The following WDR87 variants were observed in gnomAD, a reference collection of about 807,000 sequenced individuals.
The protein encoded by WDR87 is WD repeat domain 87.
WDR87 carries 56 observed loss-of-function variants against 83.3 expected under a neutral mutation model. The observed-to-expected ratio is 0.67, with a 90% CI of 0.54 to 0.84. WDR87 has a LOEUF of 0.84. Ranked by LOEUF, WDR87 falls within the 40% of genes least tolerant of loss-of-function variation. The pLI, the probability that WDR87 is intolerant of heterozygous loss-of-function variation, is 0.00. For synonymous variants in WDR87, 1,173 were observed against 1,250.6 expected (o/e 0.94, Z 1.31); for missense variants, 2,939 against 3,431.9 (o/e 0.86, Z 3.59).
rs554726961 is a variant in WDR87 at position 37,885,289 on chromosome 19, G to A, written c.8382C>T (p.Tyr2794=). 1.4e-5 allele frequency: 21 copies of A among 1,547,326 alleles called. No homozygotes were observed. In the South Asian group the frequency reaches 2.3e-4, roughly 17 times the overall value. The change falls in exon 6 of 6, where the codon TAC becomes TAT. Residue 2794 remains tyrosine, a synonymous_variant. Coordinates refer to ENST00000447313, the MANE Select transcript of WDR87 (RefSeq NM_001291088.2). ...KDSTAWMEQF[Y]QLMDLYQLKS... ...TAAGTTGGTACAGGTCCATGAGCTG[G>A]TAGAACTGTTCCATCCAAGCAGTGC...
chr19:37,901,138 TAAA>T (rs879356825), intron 1 of WDR87, among the ~76,000 whole-genome samples: 1 of 138,654 alleles, frequency 7.2e-6, no homozygotes, highest in African/African-American at 2.6e-5. Flanking sequence ...AATCCTGTCT[TAAA>T]AAAAAAAAAG....
intron 4 of WDR87, 51 bp downstream of exon 4, chr19:37,892,527 G>A: frequency 7.1e-7 from 1 of 1,403,052 alleles, no homozygotes; most frequent in South Asian, 1.5e-5. Flanking sequence ...CAAAGGAAAG[G>A]AGGGGGAAAA....
At chr19:37,905,747 G>T (rs983816880) in intron 1 of WDR87, among the ~76,000 whole-genome samples, 8 of 151,938 alleles carry the variant, frequency 5.3e-5, no homozygotes, top group African/African-American at 1.9e-4. Flanking sequence ...TAGAGATAGG[G>T]TCTTGCTATG....
At chr19:37,895,741 T>C (rs930715302) in intron 3 of WDR87, among the ~76,000 whole-genome samples, 1 of 127,424 alleles carries the variant, frequency 7.8e-6, no homozygotes, top group African/African-American at 3.1e-5. Context: ...CACTCCAGCC[T>C]GCGTGACAGA....
At position 37,894,933 on chromosome 19, in the gene WDR87, TAGAG is replaced by T. The variant is rs2046240982; in HGVS notation, c.766_769del (p.Leu256MetfsTer30). On this transcript the variant is annotated frameshift_variant, in exon 4 of 6. Transcript: ENST00000447313. LOFTEE classifies it high-confidence loss of function. ...GATTTCCCCAGCTTGGTTTCCAGCA[TAGAG>T]AAAGCCCTGATCAAAACAGGTGAAG... 1 of 1,551,634 alleles carries T rather than the reference TAGAG, an allele frequency of 6.4e-7. No individual in the cohort carries two copies. The highest frequency in any genetic ancestry group is 8.7e-7 in the Non-Finnish European group (1 of 1,146,986).
rs889572964 is a variant in WDR87, at chr19:37,893,907, A to C, written c.1796T>G (p.Ile599Arg). 6.4e-7 allele frequency: 1 copy of C among 1,551,936 alleles called. No homozygotes were observed. Among genetic ancestry groups the C allele is most frequent in the South Asian group, 1.2e-5 (1 of 84,064 alleles). Residue 599 changes from isoleucine to arginine, a missense_variant, in exon 4 of 6, where the codon ATA (isoleucine) becomes AGA (arginine). Physicochemically the swap from Ile to Arg is moderately conservative, Grantham distance 97. This residue lies in a region of WDR87 where 553 missense variants were observed against 577.9 expected (regional missense o/e 0.96). Transcript: ENST00000447313. ...SSGSQNGLKF[I>R]ETLPLHLCAI... Reference sequence around the variant, plus strand: ...ACACAGGTGCAGAGGCAGTGTTTCTATGAATTTCAAGCCATTCTGTGACCC... The same window carrying C: ...ACACAGGTGCAGAGGCAGTGTTTCTCTGAATTTCAAGCCATTCTGTGACCC...
chr19:37,905,231 C>CAAAAAAAAAAAA (rs556366437), intron 1 of WDR87, among the ~76,000 whole-genome samples: 1 of 64,026 alleles, frequency 1.6e-5, no homozygotes. Flanking sequence ...ACTCCGTCTC[C>CAAAAAAAAAAAA]AAAAAAAAAA....
Position 37,893,343 on chromosome 19 carries a change from A to G in WDR87, c.2360T>C (p.Val787Ala), listed in dbSNP as rs778410427. 8.6e-5 allele frequency: 134 copies of G among 1,551,728 alleles called. No homozygotes were observed. The highest frequency in any genetic ancestry group is 1.1e-4 in the Non-Finnish European group (127 of 1,146,988). The change falls in exon 4 of 6, where the codon GTG (valine) becomes GCG (alanine). Residue 787 changes from valine to alanine, a missense_variant. Physicochemically the swap from Val to Ala is moderately conservative, Grantham distance 64. Around this residue, in one of 3 missense-constraint regions of WDR87, gnomAD observed 2,160 missense variants for 2,533.1 expected, o/e 0.85. Transcript: ENST00000447313. ...AGTCAGTTGTAGCTGGGGAGGAAGC[A>G]CATAATGGCATTGGTAACGTTTGCT... Reference protein sequence around the residue: ...QVSKRYQCHYVLPPQLQLTSW... With the variant: ...QVSKRYQCHYALPPQLQLTSW...
intron 1 of WDR87, among the ~76,000 whole-genome samples, chr19:37,904,130 G>A (rs2046308848): frequency 6.6e-6 from 1 of 151,928 alleles, no homozygotes; most frequent in South Asian, 2.1e-4. Context: ...TCTCAATCTC[G>A]TGACCTCGTG....
At chr19:37,892,416 TG>T (rs1201778846) in intron 4 of WDR87, among the ~76,000 whole-genome samples, 161 bp downstream of exon 4, 1 of 151,124 alleles carries the variant, frequency 6.6e-6, no homozygotes, top group African/African-American at 2.4e-5. Context: ...GGAAGAGGAG[TG>T]AACAGTCGGG....
At position 37,885,468 on chromosome 19, in the gene WDR87, C is replaced by G. The variant is rs2073936735; in HGVS notation, c.8203G>C (p.Asp2735His). ...GGAAACCTGCGTTTATCCTTAAAAT[C>G]CCAGAAGTCCTTTTGAAACATCAGT... ...LALMFQKDFW[D>H]FKDKRRFPKL... The change falls in exon 6 of 6, where the codon GAT (aspartate) becomes CAT (histidine). Residue 2735 changes from aspartate to histidine, a missense_variant. By Grantham distance (81) the Asp-to-His change is moderately conservative. Transcript: ENST00000447313. The G allele has an allele frequency of 6.4e-7, 1 of 1,551,520 alleles. No homozygotes were observed. Among genetic ancestry groups the G allele is most frequent in the Non-Finnish European group, 8.7e-7 (1 of 1,146,996 alleles).
rs1440367348 is a variant in WDR87 at position 37,892,987 on chromosome 19, G to A, written c.2716C>T (p.Arg906Ter). 12 of 1,551,666 alleles carry A rather than the reference G, an allele frequency of 7.7e-6. No individual in the cohort carries two copies. Among genetic ancestry groups the A allele is most frequent in the Admixed American group, 2.0e-5 (1 of 50,972 alleles). The stretch of plus-strand genomic sequence containing the variant: ...CTCATCTTTCTTCCCAGCCAACTTC[G>A]GTTTGCTCCATCTGTAAGGACACTG... The part of the protein sequence containing the change: ...TYSVLTDGAN[R>*]SWLGRKMSEI... Residue 906 changes from arginine to a stop codon, truncating the protein, a stop_gained, in exon 4 of 6, where the codon CGA becomes TGA. Coordinates refer to ENST00000447313, the MANE Select transcript of WDR87 (RefSeq NM_001291088.2). LOFTEE classifies it high-confidence loss of function.
chr19:37,885,699 C>G lies in WDR87; in HGVS notation c.7972G>C (p.Val2658Leu), dbSNP rs932347615. 1.9e-5 allele frequency: 30 copies of G among 1,551,602 alleles called. No homozygotes were observed. Among genetic ancestry groups the G allele is most frequent in the African/African-American group, 2.7e-5 (2 of 73,024 alleles). ...GCTAATGGGGACTTTTGTGTGGGGA[C>G]AGCCAAAGGTTTTGGCCAGCTCTCC... ...EKESWPKPLA[V>L]PTQKSPLATK... Residue 2658 changes from valine (V) to leucine (L), a missense_variant, in exon 6 of 6, where the codon GTC (valine) becomes CTC (leucine). Val to Leu is a conservative substitution (Grantham distance 32). Around this residue, in one of 3 missense-constraint regions of WDR87, gnomAD observed 2,160 missense variants for 2,533.1 expected, o/e 0.85. Transcript: ENST00000447313.
At position 37,889,696 on chromosome 19, in the gene WDR87, G is replaced by C; in HGVS notation, c.3975C>G (p.Leu1325=). Residue 1325 remains leucine (L), a synonymous_variant, in exon 6 of 6, where the codon CTC becomes CTG. Transcript: ENST00000447313. Reference sequence around the variant, plus strand: ...TCAATAGGGGGCAGATCTCCTGAAAGAGTTCCCAGCTGGGGTGCCTATCTA... The same window carrying C: ...TCAATAGGGGGCAGATCTCCTGAAACAGTTCCCAGCTGGGGTGCCTATCTA... ...MLVDRHPSWE[L]FQEICPLLKK... is the part of the protein sequence containing the mutation. 1 of 1,551,724 alleles carries C rather than the reference G, an allele frequency of 6.4e-7. No homozygotes were observed. The highest frequency in any genetic ancestry group is 8.7e-7 in the Non-Finnish European group (1 of 1,147,008).
rs888776660 is a variant in WDR87 at position 37,884,841 on chromosome 19, AAG to A, written c.*89_*90del. ...GAAACACCGTCTCAAAAAAAAAAAA[AAG>A]AGAGAGAGAGAGATGAAGGTCTAGA... On this transcript the variant is annotated 3_prime_UTR_variant, in exon 6 of 6. Transcript: ENST00000447313. 334 of 1,096,884 alleles carry A rather than the reference AAG, an allele frequency of 3.0e-4. No individual in the cohort carries two copies. Among genetic ancestry groups the A allele is most frequent in the African/African-American group, 1.0e-3 (64 of 61,274 alleles). The allele number at this position is 1,096,884 out of a possible 1,614,324, so 67.9% of individuals were successfully genotyped here. A position where few individuals can be genotyped will look rare whatever the true frequency, so the allele number is the denominator to read the frequency against.
In WDR87 at chr19:37,890,192, T is replaced by C; in HGVS notation, c.3479A>G (p.Glu1160Gly). The change falls in exon 6 of 6, where the codon GAA becomes GGA. Residue 1160 changes from glutamate (E) to glycine (G), a missense_variant. By Grantham distance (98) the Glu-to-Gly change is moderately conservative. This residue lies in a region of WDR87 where 2,160 missense variants were observed against 2,533.1 expected (regional missense o/e 0.85). Transcript: ENST00000447313. ...AATTGGTGCGGCCTCAGTCCCACTT[T>C]CATCCTCTAAGAGGCCTGGCTCTGT... ...MSTEPGLLED[E>G]SGTEAAPIEM... is the part of the protein sequence containing the mutation. 1 of 1,551,794 alleles carries C rather than the reference T, an allele frequency of 6.4e-7. No individual in the cohort carries two copies. Among genetic ancestry groups the C allele is most frequent in the East Asian group, 2.4e-5 (1 of 40,916 alleles).
In WDR87 at chr19:37,895,272, C is replaced by T; in HGVS notation, c.431G>A (p.Gly144Asp). ...GDHFRAFKPL[G>D]KVPCRFNISC... ...GATGTTGAAGCGGCAGGGCACTTTA[C>T]CCAGGGGTTTGAATGCCCGAAAGTG... The change falls in exon 4 of 6, where the codon GGT (glycine) becomes GAT (aspartate). Residue 144 changes from glycine (G) to aspartate (D), a missense_variant. By Grantham distance (94) the Gly-to-Asp change is moderately conservative. Transcript: ENST00000447313. 6.4e-7 allele frequency: 1 copy of T among 1,551,676 alleles called. No individual in the cohort carries two copies. The highest frequency in any genetic ancestry group is 8.7e-7 in the Non-Finnish European group (1 of 1,146,988).
At position 37,893,200 on chromosome 19, in the gene WDR87, G is replaced by A. The variant is rs1479017749; in HGVS notation, c.2503C>T (p.Pro835Ser). 2 of 1,551,836 alleles carry A rather than the reference G, an allele frequency of 1.3e-6. No individual in the cohort carries two copies. Among genetic ancestry groups the A allele is most frequent in the Non-Finnish European group, 1.7e-6 (2 of 1,147,008 alleles). Reference sequence around the variant, plus strand: ...TGTAGGTATATTGGGGTGCCCTCTGGCCAAAGACGGGCACGAATCACTGAA... The same window carrying A: ...TGTAGGTATATTGGGGTGCCCTCTGACCAAAGACGGGCACGAATCACTGAA... ...PNSVIRARLW[P>S]EGTPIYLQCN... Residue 835 changes from proline (P) to serine (S), a missense_variant, in exon 4 of 6, where the codon CCA becomes TCA. By Grantham distance (74) the Pro-to-Ser change is moderately conservative (BLOSUM62 -1). Coordinates refer to ENST00000447313, the MANE Select transcript of WDR87 (RefSeq NM_001291088.2).
chr19:37,885,296 T>A lies in WDR87; in HGVS notation c.8375A>T (p.Gln2792Leu). 6.5e-7 allele frequency: 1 copy of A among 1,549,288 alleles called. No homozygotes were observed. The highest frequency in any genetic ancestry group is 8.7e-7 in the Non-Finnish European group (1 of 1,145,832). Residue 2792 changes from glutamine (Q) to leucine (L), a missense_variant, in exon 6 of 6, where the codon CAG becomes CTG. Gln to Leu is a moderately radical substitution (Grantham distance 113). Around this residue, in one of 3 missense-constraint regions of WDR87, gnomAD observed 2,160 missense variants for 2,533.1 expected, o/e 0.85. Coordinates refer to ENST00000447313, the MANE Select transcript of WDR87 (RefSeq NM_001291088.2). ...GTACAGGTCCATGAGCTGGTAGAACTGTTCCATCCAAGCAGTGCTGTCTTT... is the reference window on the plus strand; with the variant it reads ...GTACAGGTCCATGAGCTGGTAGAACAGTTCCATCCAAGCAGTGCTGTCTTT... ...YPKDSTAWME[Q>L]FYQLMDLYQL...
Sources: allele counts gnomAD v4.1 joint callset (sites outside exome capture counted in the v4.1 genomes callset), GRCh38; gene constraint gnomAD v4.1.1; regional missense constraint gnomAD v4.1.1; transcripts MANE v1.5; gene names NCBI Gene and HGNC (gene_info 2026-07-23, HGNC 2026-07-21).